MYRIP: variants seen among roughly 807,000 people sequenced by gnomAD.
MYRIP encodes rab effector MyRIP.
Under a neutral mutation model 98.0 loss-of-function variants are expected in MYRIP, and 49 were observed. The observed-to-expected ratio is 0.50, with a 90% CI of 0.40 to 0.63. The LOEUF (loss-of-function observed/expected upper bound fraction) is 0.63, where lower values mean the gene tolerates loss of function less well. Among genes scored for constraint, MYRIP ranks in the 30% least tolerant of loss-of-function variants. MYRIP has a pLI of 0.00. For synonymous variants in MYRIP, 404 were observed against 409.5 expected, an observed-to-expected ratio of 0.99 and a Z score of 0.16; for missense variants, 1,004 against 1,058.2, an observed-to-expected ratio of 0.95 and a Z score of 0.71.
chr3:39,913,833 C>T (rs1423412287), intron 2 of MYRIP, among the ~76,000 whole-genome samples: 1 of 152,200 alleles, frequency 6.6e-6, no homozygotes, highest in African/African-American at 2.4e-5. Flanking sequence ...GTAAGAACAA[C>T]TGAAGAAATA....
At chr3:40,004,793 C>T (rs1309464568) in intron 2 of MYRIP, among the ~76,000 whole-genome samples, 1 of 152,126 alleles carries the variant, frequency 6.6e-6, no homozygotes. Context: ...ATCCAGGTTG[C>T]TGTGAATGCC....
At chr3:39,934,890 G>A (rs939874654) in intron 2 of MYRIP, among the ~76,000 whole-genome samples, 1 of 152,132 alleles carries the variant, frequency 6.6e-6, no homozygotes, top group African/African-American at 2.4e-5. Flanking sequence ...TAGAACAGAT[G>A]GAAAATACCT....
chr3:40,111,949 C>A (rs905355348), intron 3 of MYRIP, among the ~76,000 whole-genome samples: 5 of 152,140 alleles, frequency 3.3e-5, no homozygotes, highest in Admixed American at 1.3e-4. Context: ...TGACCACTTT[C>A]TCTGATTAGG....
At chr3:40,190,513 G>A in intron 10 of MYRIP, 50 bp downstream of exon 10, 2 of 1,530,410 alleles carry the variant, frequency 1.3e-6, no homozygotes, top group Non-Finnish European at 1.8e-6. Flanking sequence ...TAGGTAGGAT[G>A]TGCCCTACTC....
chr3:39,927,956 G>A (rs11921103), intron 2 of MYRIP, among the ~76,000 whole-genome samples: 37,176 of 151,876 alleles, frequency 0.24, 5,350 homozygotes, highest in Middle Eastern at 0.36. Context: ...CTCAATAGAC[G>A]TAGAGAAAGC....
intron 10 of MYRIP, among the ~76,000 whole-genome samples, chr3:40,197,347 G>C (rs922037157): frequency 1.3e-5 from 2 of 152,138 alleles, no homozygotes; most frequent in Non-Finnish European, 2.9e-5. Context: ...GTTCCTAACA[G>C]ACCAATGACC....
chr3:40,141,206 A>G (rs1949886201), intron 3 of MYRIP, among the ~76,000 whole-genome samples: 1 of 152,176 alleles, frequency 6.6e-6, no homozygotes, highest in Non-Finnish European at 1.5e-5. Context: ...ATGGAGTACT[A>G]TTGTTCAGCC....
In MYRIP at chr3:40,250,282, T is replaced by C; in HGVS notation, c.2323T>C (p.Cys775Arg). 1 of 1,614,156 alleles carries C rather than the reference T, an allele frequency of 6.2e-7. No homozygotes were observed. The highest frequency in any genetic ancestry group is 8.5e-7 in the Non-Finnish European group (1 of 1,179,994). The change falls in exon 14 of 17, where the codon TGT (cysteine) becomes CGT (arginine). Residue 775 changes from cysteine (C) to arginine (R), a missense_variant. Around this residue, in one of 3 missense-constraint regions of MYRIP, gnomAD observed 108 missense variants for 111.1 expected, o/e 0.97. Coordinates refer to ENST00000302541, the MANE Select transcript of MYRIP (RefSeq NM_015460.4). Reference sequence around the variant, plus strand: ...CATTGCAGGATTAAACATAGCACCATGTGTGCGCTTCACAAGAAGACGGGA... The same window carrying C: ...CATTGCAGGATTAAACATAGCACCACGTGTGCGCTTCACAAGAAGACGGGA... ...LTIAGLNIAP[C>R]VRFTRRRDQK...
At chr3:40,215,021 TTAACA>T (rs1207397613) in intron 11 of MYRIP, among the ~76,000 whole-genome samples, 2 of 152,224 alleles carry the variant, frequency 1.3e-5, no homozygotes, top group Non-Finnish European at 1.5e-5. Flanking sequence ...TTTTTGCTTC[TTAACA>T]TAAGTATCAT....
chr3:39,983,273 T>A (rs1945939866), intron 2 of MYRIP, among the ~76,000 whole-genome samples: 1 of 152,214 alleles, frequency 6.6e-6, no homozygotes, highest in Non-Finnish European at 1.5e-5. Flanking sequence ...GAAATACCAC[T>A]GCAGCAGAGG....
chr3:40,178,500 C>G (rs917323135), intron 8 of MYRIP, among the ~76,000 whole-genome samples: 1 of 152,134 alleles, frequency 6.6e-6, no homozygotes, highest in Non-Finnish European at 1.5e-5. Flanking sequence ...CAGTCAGACC[C>G]GAGCTCAACC....
At chr3:39,945,945 G>A (rs772222263) in intron 2 of MYRIP, among the ~76,000 whole-genome samples, 29 of 151,932 alleles carry the variant, frequency 1.9e-4, no homozygotes, top group Non-Finnish European at 3.5e-4. Flanking sequence ...TTTAGCTACT[G>A]TTTTATTCTC....
At chr3:39,917,788 ATCT>A (rs1016450869) in intron 2 of MYRIP, among the ~76,000 whole-genome samples, 3 of 152,300 alleles carry the variant, frequency 2.0e-5, no homozygotes, top group African/African-American at 7.2e-5. Flanking sequence ...TCATGAAAAG[ATCT>A]TCTTGACCAA....
chr3:40,035,559 A>G (rs1224908206), intron 2 of MYRIP, among the ~76,000 whole-genome samples: 1 of 152,046 alleles, frequency 6.6e-6, no homozygotes, highest in Non-Finnish European at 1.5e-5. Context: ...TAAGAACTGA[A>G]TATAAGAATC....
intron 2 of MYRIP, among the ~76,000 whole-genome samples, chr3:39,991,022 A>G (rs1483735641): frequency 6.6e-6 from 1 of 152,182 alleles, no homozygotes; most frequent in Non-Finnish European, 1.5e-5. Context: ...TACGGGAGGG[A>G]TAACATTAGG....
At chr3:39,887,086 A>T (rs1457685909) in intron 1 of MYRIP, among the ~76,000 whole-genome samples, 1 of 152,040 alleles carries the variant, frequency 6.6e-6, no homozygotes, top group East Asian at 1.9e-4. Flanking sequence ...CTCCTGAATG[A>T]CTACTGGGTA....
intron 3 of MYRIP, among the ~76,000 whole-genome samples, chr3:40,079,639 G>A (rs555734239): frequency 1.3e-5 from 2 of 152,326 alleles, no homozygotes; most frequent in South Asian, 4.1e-4. Flanking sequence ...CTTTTTGTGT[G>A]ATTCTTGAAC....
intron 2 of MYRIP, among the ~76,000 whole-genome samples, chr3:39,937,240 C>T (rs1202136400): frequency 6.6e-6 from 1 of 152,214 alleles, no homozygotes; most frequent in African/African-American, 2.4e-5. Context: ...GAGACATTAA[C>T]ATTGTGCATG....
chr3:39,877,762 A>T (rs6778240), intron 1 of MYRIP, among the ~76,000 whole-genome samples: 5 of 151,466 alleles, frequency 3.3e-5, no homozygotes, highest in Non-Finnish European at 7.4e-5. Flanking sequence ...ACTGGGGGGT[A>T]CCTCCCAGTT....
Sources: allele counts gnomAD v4.1 joint callset (sites outside exome capture counted in the v4.1 genomes callset), GRCh38; gene constraint gnomAD v4.1.1; regional missense constraint gnomAD v4.1.1; transcripts MANE v1.5; gene names NCBI Gene and HGNC (gene_info 2026-07-23, HGNC 2026-07-21).